The following KIF5C variants were observed in gnomAD, a reference collection of about 807,000 sequenced individuals.
The protein encoded by KIF5C is kinesin heavy chain isoform 5C.
KIF5C carries 18 observed loss-of-function variants against 125.2 expected under a neutral mutation model. That is an observed-to-expected ratio of 0.14 (90% CI 0.10 to 0.21). KIF5C has a LOEUF of 0.21. Ranked by LOEUF, KIF5C falls within the 10% of genes least tolerant of loss-of-function variation. The pLI is 1.00. For synonymous variants in KIF5C, 405 were observed against 434.0 expected, an observed-to-expected ratio of 0.93 and a Z score of 0.83; for missense variants, 780 against 1,183.8, an observed-to-expected ratio of 0.66 and a Z score of 5.01.
chr2:149,017,955 G>T (rs867079298), intron 25 of KIF5C, among the ~76,000 whole-genome samples: 25 of 152,248 alleles, frequency 1.6e-4, no homozygotes, highest in African/African-American at 5.3e-4. Context: ...ATGCGACCCC[G>T]GAGTGCGTTG....
At chr2:148,943,414 T>G (rs1348092725) in intron 7 of KIF5C, among the ~76,000 whole-genome samples, 2 of 152,084 alleles carry the variant, frequency 1.3e-5, no homozygotes, top group African/African-American at 2.4e-5. Context: ...TCTATCTTAT[T>G]AAGAGGGATG....
intron 1 of KIF5C, among the ~76,000 whole-genome samples, chr2:148,919,038 G>C (rs1468945429): frequency 6.6e-6 from 1 of 152,112 alleles, no homozygotes; most frequent in Non-Finnish European, 1.5e-5. Flanking sequence ...GGTGATTGGT[G>C]GTATAGTTCT....
At chr2:148,955,748 C>T (rs1304571373) in intron 10 of KIF5C, among the ~76,000 whole-genome samples, 1 of 152,094 alleles carries the variant, frequency 6.6e-6, no homozygotes, top group East Asian at 1.9e-4. Flanking sequence ...TCTATCCTCT[C>T]CTGCTCCCAC....
intron 11 of KIF5C, among the ~76,000 whole-genome samples, chr2:148,966,925 T>A (rs1442921788): frequency 6.6e-6 from 1 of 152,148 alleles, no homozygotes; most frequent in Admixed American, 6.5e-5. Flanking sequence ...ATCTTGGACT[T>A]CTAGCCTCCA....
chr2:148,968,129 G>T (rs1680796129), intron 11 of KIF5C, among the ~76,000 whole-genome samples: 1 of 152,200 alleles, frequency 6.6e-6, no homozygotes, highest in East Asian at 1.9e-4. Context: ...ACAAGGAAAT[G>T]ACCTGACAAA....
intron 10 of KIF5C, among the ~76,000 whole-genome samples, chr2:148,961,299 G>A (rs114934597): frequency 1.3e-5 from 2 of 152,172 alleles, no homozygotes; most frequent in East Asian, 1.9e-4. Flanking sequence ...GCTGTGATGG[G>A]GGGGGCGGGT....
At chr2:148,953,295 A>G (rs1358867859) in intron 10 of KIF5C, among the ~76,000 whole-genome samples, 2 of 152,246 alleles carry the variant, frequency 1.3e-5, no homozygotes, top group East Asian at 1.9e-4. Flanking sequence ...GTTGCTGAAC[A>G]TTGATGCCAT....
rs897358817 is a variant in KIF5C at position 148,923,784 on chromosome 2, T to TA, written c.217+1566dup. Among the ~76,000 whole-genome samples, 20 of 151,714 alleles carry TA rather than the reference T, an allele frequency of 1.3e-4. 1 individual carries two copies. The highest frequency in any genetic ancestry group is 7.2e-4 in the Admixed American group (11 of 15,228). On this transcript the variant is annotated intron_variant, in intron 2 of 25. Transcript: ENST00000435030. The stretch of plus-strand genomic sequence containing the variant: ...ATAATTAGAAATGGATGCACTCTGT[T>TA]AAAAAAAAATCCTGTGATTAACAAC...
At chr2:148,938,630 C>T (rs1161117813) in intron 4 of KIF5C, among the ~76,000 whole-genome samples, 1 of 152,146 alleles carries the variant, frequency 6.6e-6, no homozygotes, top group African/African-American at 2.4e-5. Context: ...GAGCTGTGTC[C>T]AGGATGCACA....
chr2:148,924,722 A>T lies in KIF5C; in HGVS notation c.217+2495A>T, dbSNP rs937511186. ...CTGGATGCTATTATTGAAGTACTGT[A>T]ACTATGTCCCAGCCTACAGAAGCCA... On this transcript the variant is annotated intron_variant, in intron 2 of 25. Coordinates refer to ENST00000435030, the MANE Select transcript of KIF5C (RefSeq NM_004522.3). The surrounding 1 kb of genome is among the most constrained non-coding windows in gnomAD (Gnocchi z 4.0). Among the ~76,000 whole-genome samples, 6 of 152,206 alleles carry T rather than the reference A, an allele frequency of 3.9e-5. No homozygotes were observed. Among genetic ancestry groups the T allele is most frequent in the African/African-American group, 1.4e-4 (6 of 41,448 alleles).
At position 149,000,629 on chromosome 2, in the gene KIF5C, G is replaced by T. The variant is rs1358074942; in HGVS notation, c.2313-93G>T. ...ACAATGGCTATTTGTGTGCTTGTTG[G>T]TGGGTTTTGTTGATTTATCTGTGGA... On this transcript the variant is annotated intron_variant, in intron 20 of 25. Coordinates refer to ENST00000435030, the MANE Select transcript of KIF5C (RefSeq NM_004522.3). 8.2e-6 allele frequency: 13 copies of T among 1,588,244 alleles called. No homozygotes were observed. The Admixed American group carries it at 2.3e-4, about 28-fold the overall frequency.
intron 1 of KIF5C, among the ~76,000 whole-genome samples, chr2:148,921,179 A>C (rs60572562): frequency 0.17 from 25,584 of 152,162 alleles, 3,450 homozygotes; most frequent in African/African-American, 0.37. Flanking sequence ...GCGTCAGGGC[A>C]CATATAATGC....
chr2:148,890,030 G>C (rs890776327), intron 1 of KIF5C, among the ~76,000 whole-genome samples: 2 of 152,128 alleles, frequency 1.3e-5, no homozygotes, highest in African/African-American at 4.8e-5. Context: ...GCTCTTTATT[G>C]CGTAGGTTTA....
At chr2:148,959,773 T>A (rs1416242856) in intron 10 of KIF5C, among the ~76,000 whole-genome samples, 2 of 152,302 alleles carry the variant, frequency 1.3e-5, no homozygotes, top group East Asian at 3.9e-4. Flanking sequence ...GTTACACCCG[T>A]GGGGAAGGAA....
chr2:148,905,995 C>T (rs1350287062), intron 1 of KIF5C, among the ~76,000 whole-genome samples: 1 of 152,136 alleles, frequency 6.6e-6, no homozygotes, highest in African/African-American at 2.4e-5. Flanking sequence ...ATTCAATTAC[C>T]TCCCACAGGG....
chr2:148,964,190 G>A (rs1004777512), intron 11 of KIF5C, among the ~76,000 whole-genome samples: 1 of 151,636 alleles, frequency 6.6e-6, no homozygotes, highest in African/African-American at 2.4e-5. Context: ...CAGGAGAATC[G>A]CTTGAACCCT....
intron 3 of KIF5C, among the ~76,000 whole-genome samples, chr2:148,933,369 G>T (rs1380926076): frequency 6.6e-6 from 1 of 151,878 alleles, no homozygotes. Flanking sequence ...CATCTGCAAG[G>T]GTCAGTGTAG....
Position 148,983,601 on chromosome 2 carries a change from G to C in KIF5C, c.1570-19G>C. 6.5e-7 allele frequency: 1 copy of C among 1,542,200 alleles called. No individual in the cohort carries two copies. The highest frequency in any genetic ancestry group is 8.8e-7 in the Non-Finnish European group (1 of 1,138,952). Reference sequence around the variant, plus strand: ...TGATGGGCAACCCTTTGAATTTGTTGTTGAAATTTGTTTTTCAGACTACAT... The same window carrying C: ...TGATGGGCAACCCTTTGAATTTGTTCTTGAAATTTGTTTTTCAGACTACAT... On this transcript the variant is annotated intron_variant, in intron 14 of 25. Coordinates refer to ENST00000435030, the MANE Select transcript of KIF5C (RefSeq NM_004522.3).
chr2:149,006,979 C>G (rs529226014), intron 22 of KIF5C, among the ~76,000 whole-genome samples: 2 of 152,074 alleles, frequency 1.3e-5, no homozygotes, highest in Non-Finnish European at 2.9e-5. Flanking sequence ...AGAAAACTCC[C>G]TAGGAAAGCC....
Sources: gnomAD v4.1 joint callset for allele counts (sites outside exome capture counted in the v4.1 genomes callset) on GRCh38, gnomAD v4.1.1 for gene constraint, Gnocchi (gnomAD v3.1) non-coding constraint, MANE v1.5 for transcripts, NCBI Gene and HGNC (gene_info 2026-07-23, HGNC 2026-07-21) for gene names.